Variants in PRKG1 observed in about 807,000 individuals in gnomAD.
The protein encoded by PRKG1 is cGMP-dependent protein kinase 1.
In PRKG1, 35 loss-of-function variants were observed where a neutral mutation model predicts 88.1. The ratio of observed to expected loss-of-function variants is 0.40; its 90% confidence interval spans 0.30 to 0.53. The LOEUF (loss-of-function observed/expected upper bound fraction) is 0.53, where lower values mean the gene tolerates loss of function less well. PRKG1 is among the 20% of genes least tolerant of loss of function. The pLI, the probability that PRKG1 is intolerant of heterozygous loss-of-function variation, is 0.59. For missense variants in PRKG1, 540 were observed against 839.8 expected (o/e 0.64, Z 4.41); for synonymous variants, 303 against 292.5 (o/e 1.04, Z -0.37).
chr10:51,785,564 T>C (rs965330179), intron 3 of PRKG1, among the ~76,000 whole-genome samples: 3 of 152,116 alleles, frequency 2.0e-5, no homozygotes, highest in Non-Finnish European at 2.9e-5. Flanking sequence ...TTGAAGATTT[T>C]ACATTCCTTT....
At chr10:51,880,179 CA>C in intron 4 of PRKG1, among the ~76,000 whole-genome samples, 1 of 150,652 alleles carries the variant, frequency 6.6e-6, no homozygotes, top group Non-Finnish European at 1.5e-5. Context: ...TTACATTTTA[CA>C]AAGTATTTTA....
chr10:51,756,865 AAAAG>A (rs1289603689), intron 3 of PRKG1, among the ~76,000 whole-genome samples: 1 of 151,794 alleles, frequency 6.6e-6, no homozygotes, highest in Non-Finnish European at 1.5e-5. Flanking sequence ...TAAAAATATA[AAAAG>A]TAATTATGTA....
chr10:51,670,764 A>G (rs1840552199), intron 3 of PRKG1, among the ~76,000 whole-genome samples: 1 of 134,060 alleles, frequency 7.5e-6, no homozygotes, highest in African/African-American at 2.5e-5. Context: ...AAATAAATAA[A>G]TAAATAAATA....
chr10:51,231,718 T>A (rs944910880), intron 2 of PRKG1, among the ~76,000 whole-genome samples: 1 of 152,154 alleles, frequency 6.6e-6, no homozygotes, highest in African/African-American at 2.4e-5. Context: ...ACATTTTTTT[T>A]TTTTTTTTAC....
intron 3 of PRKG1, among the ~76,000 whole-genome samples, chr10:51,534,597 G>T (rs565555450): frequency 6.7e-6 from 1 of 148,488 alleles, no homozygotes; most frequent in African/African-American, 2.5e-5. Flanking sequence ...AACCCAGGAG[G>T]CAGAGCTTGC....
intron 1 of PRKG1, among the ~76,000 whole-genome samples, chr10:51,140,684 G>C (rs1845799026): frequency 6.6e-6 from 1 of 152,136 alleles, no homozygotes; most frequent in South Asian, 2.1e-4. Context: ...GCCAAGAAAA[G>C]TGAGTGTCCT....
chr10:51,437,451 A>G (rs1464803433), intron 2 of PRKG1, among the ~76,000 whole-genome samples: 2 of 151,940 alleles, frequency 1.3e-5, no homozygotes, highest in Non-Finnish European at 2.9e-5. Context: ...TAAATGCTTT[A>G]TCTAATGGCC....
chr10:51,367,308 G>A (rs1455238894), intron 2 of PRKG1, among the ~76,000 whole-genome samples: 2 of 151,966 alleles, frequency 1.3e-5, no homozygotes, highest in Non-Finnish European at 2.9e-5. Context: ...GAGCAAGAGA[G>A]TGTTTTTGGC....
intron 3 of PRKG1, among the ~76,000 whole-genome samples, chr10:51,500,749 T>C (rs1306353759): frequency 6.6e-6 from 1 of 152,180 alleles, no homozygotes; most frequent in Non-Finnish European, 1.5e-5. Flanking sequence ...CATGTGGTCC[T>C]GGAGGAGCTA....
chr10:52,150,478 C>T (rs1837883327), intron 8 of PRKG1, among the ~76,000 whole-genome samples: 1 of 152,122 alleles, frequency 6.6e-6, no homozygotes, highest in Non-Finnish European at 1.5e-5. Flanking sequence ...AATCCTAATA[C>T]ATGCTAGCTA....
intron 3 of PRKG1, among the ~76,000 whole-genome samples, chr10:51,559,776 A>T (rs1203928345): frequency 1.3e-5 from 2 of 152,050 alleles, no homozygotes; most frequent in Non-Finnish European, 2.9e-5. Context: ...GCCTTATGTG[A>T]TTGTCTCAAT....
intron 2 of PRKG1, among the ~76,000 whole-genome samples, chr10:51,166,531 C>T (rs953160851): frequency 4.6e-5 from 7 of 152,124 alleles, no homozygotes; most frequent in African/African-American, 1.4e-4. Context: ...AAAGAAACCA[C>T]AATGGTTTTT....
At chr10:51,574,370 T>C (rs1837833285) in intron 3 of PRKG1, among the ~76,000 whole-genome samples, 1 of 151,914 alleles carries the variant, frequency 6.6e-6, no homozygotes, top group Non-Finnish European at 1.5e-5. Flanking sequence ...ATTGCTATGT[T>C]CTTTTCTGGT....
chr10:51,853,508 C>T (rs73333407), intron 4 of PRKG1, among the ~76,000 whole-genome samples: 6,549 of 152,182 alleles, frequency 0.043, 504 homozygotes, highest in African/African-American at 0.15. Flanking sequence ...TATTTTATAA[C>T]ATTTTCAATT....
At position 51,492,812 on chromosome 10, in the gene PRKG1, A is replaced by T. The variant is rs112544560; in HGVS notation, c.592+24976A>T. Among the ~76,000 whole-genome samples, 176 of 152,258 alleles carry T rather than the reference A, an allele frequency of 1.2e-3. 1 individual carries two copies. Among genetic ancestry groups the T allele is most frequent in the African/African-American group, 3.9e-3 (163 of 41,576 alleles). The stretch of plus-strand genomic sequence containing the variant: ...CAGAGTTATTTTAGGATGGCATGAA[A>T]CTTGAATAAATTTTGAATAAAAATT... On this transcript the variant is annotated intron_variant, in intron 3 of 17. Transcript: ENST00000373980.
At chr10:52,222,082 G>A (rs1418815866) in intron 9 of PRKG1, among the ~76,000 whole-genome samples, 4 of 152,106 alleles carry the variant, frequency 2.6e-5, no homozygotes, top group African/African-American at 4.8e-5. Flanking sequence ...AGGGGAATTG[G>A]GTGAGTGGGT....
chr10:51,634,806 C>A (rs1395919226), intron 3 of PRKG1, among the ~76,000 whole-genome samples: 1 of 152,032 alleles, frequency 6.6e-6, no homozygotes, highest in African/African-American at 2.4e-5. Context: ...AAGATGGAGG[C>A]CATTATTCTA....
chr10:51,091,380 C>G (rs186046876), intron 1 of PRKG1, among the ~76,000 whole-genome samples: 139 of 152,214 alleles, frequency 9.1e-4, no homozygotes, highest in South Asian at 1.7e-3. Context: ...GCAGTCAGTC[C>G]CTGCTCTACT....
At chr10:51,271,663 TG>T (rs1208599899) in intron 2 of PRKG1, among the ~76,000 whole-genome samples, 2 of 152,200 alleles carry the variant, frequency 1.3e-5, no homozygotes, top group Non-Finnish European at 1.5e-5. Context: ...TGTGTTCTTC[TG>T]CATACTTCCT....
Sources: gnomAD v4.1 joint callset for allele counts (sites outside exome capture counted in the v4.1 genomes callset) on GRCh38, gnomAD v4.1.1 for gene constraint, MANE v1.5 for transcripts, NCBI Gene and HGNC (gene_info 2026-07-23, HGNC 2026-07-21) for gene names.